Variants in ZNF665 observed in about 807,000 individuals in gnomAD.
The protein encoded by ZNF665 is zinc finger protein 665.
In ZNF665, 6 loss-of-function variants were observed where a neutral mutation model predicts 7.9. The ratio of observed to expected loss-of-function variants is 0.76; its 90% confidence interval spans 0.42 to 1.50. ZNF665 has a LOEUF of 1.50. Among genes scored for constraint, ZNF665 ranks in the 40% most tolerant of loss-of-function variants. The pLI, the probability that ZNF665 is intolerant of heterozygous loss-of-function variation, is 0.01. For synonymous variants in ZNF665, 242 were observed against 274.5 expected, an observed-to-expected ratio of 0.88 and a Z score of 1.17; for missense variants, 819 against 806.7, an observed-to-expected ratio of 1.02 and a Z score of -0.18.
In ZNF665 at chr19:53,165,336, A is replaced by C. The variant is rs779388092; in HGVS notation, c.1154T>G (p.Met385Arg). Residue 385 changes from methionine (M) to arginine (R), a missense_variant, in exon 4 of 4, where the codon ATG (methionine) becomes AGG (arginine). Transcript: ENST00000396424. The stretch of plus-strand genomic sequence containing the variant: ...CTGATGCTTAGTTAAGTTTGAATGC[A>C]TACTGAAGGCTTTCCCACACTCATT... ...KCNECGKAFS[M>R]HSNLTKHQII... 7 of 1,614,068 alleles carry C rather than the reference A, an allele frequency of 4.3e-6. No individual in the cohort carries two copies. The South Asian group carries it at 7.7e-5, about 18-fold the overall frequency.
chr19:53,169,277 G>T (rs968566129), intron 3 of ZNF665, among the ~76,000 whole-genome samples: 3 of 151,782 alleles, frequency 2.0e-5, no homozygotes, highest in African/African-American at 7.2e-5. Flanking sequence ...CTGCACAAAA[G>T]AAAATATTAA....
At chr19:53,166,411 T>A in intron 3 of ZNF665, 64 bp from the exon 4 acceptor site, 1 of 1,378,982 alleles carries the variant, frequency 7.3e-7, no homozygotes, top group Non-Finnish European at 9.7e-7. Context: ...TATTTCCCAT[T>A]GAAAAACCTA....
chr19:53,174,945 CA>C (rs1168901820), intron 3 of ZNF665, among the ~76,000 whole-genome samples: 2,491 of 44,186 alleles, frequency 0.056, 16 homozygotes, highest in African/African-American at 0.093. Flanking sequence ...AACTCCGTCT[CA>C]AAAAAAAAAA....
At position 53,164,923 on chromosome 19, in the gene ZNF665, AG is replaced by A. The variant is rs1315599743; in HGVS notation, c.1566del (p.Phe523LeufsTer7). ...ATAGTTAGGCTTGAATGAACACTAA[AG>A]GCTTTGCCACACTCATTACACTTGT... The part of the protein sequence containing the change: ...KPYKCNECGK[A>X]FSVHSSLTIH... On this transcript the variant is annotated frameshift_variant, in exon 4 of 4. Coordinates refer to ENST00000396424, the MANE Select transcript of ZNF665 (RefSeq NM_024733.5). LOFTEE classifies it low-confidence loss of function (END_TRUNC). The A allele has an allele frequency of 1.2e-6, 2 of 1,614,190 alleles. No homozygotes were observed. The highest frequency in any genetic ancestry group is 1.7e-6 in the Non-Finnish European group (2 of 1,180,030).
intron 2 of ZNF665, among the ~76,000 whole-genome samples, chr19:53,178,315 A>G (rs781318289): frequency 1.3e-5 from 2 of 152,182 alleles, no homozygotes; most frequent in Non-Finnish European, 2.9e-5. Context: ...TGACATGTAG[A>G]TTGGTCTGAA....
intron 1 of ZNF665, chr19:53,190,204 T>C (rs914095807): frequency 6.6e-6 from 1 of 152,254 alleles, no homozygotes; most frequent in African/African-American, 2.4e-5. Context: ...CTGGGTGGCA[T>C]GCCGCCCACA....
chr19:53,182,833 A>G lies in ZNF665; in HGVS notation c.15+51T>C, dbSNP rs2090748103. On this transcript the variant is annotated intron_variant, in intron 2 of 3. Transcript: ENST00000396424. ...AGAAGATTCCCAACTCCAAGGTCCA[A>G]GGTTTCTGAAAGGAAGGAGACAGAA... is the stretch of plus-strand genomic sequence containing the variant. The G allele has an allele frequency of 6.2e-6, 10 of 1,613,372 alleles. No individual in the cohort carries two copies. The South Asian group carries it at 9.9e-5, about 16-fold the overall frequency.
At chr19:53,191,001 C>G (rs563637065) in intron 1 of ZNF665, among the ~76,000 whole-genome samples, 2 of 138,306 alleles carry the variant, frequency 1.4e-5, no homozygotes, top group Admixed American at 1.4e-4. Context: ...GTTCTATGAG[C>G]TGCTCTGGCA....
intron 2 of ZNF665, 131 bp downstream of exon 2, chr19:53,182,753 G>C (rs2090747441): frequency 6.9e-7 from 1 of 1,452,842 alleles, no homozygotes; most frequent in Admixed American, 1.7e-5. Context: ...GAGGGACTGA[G>C]GGAAGGCACG....
intron 2 of ZNF665, among the ~76,000 whole-genome samples, chr19:53,176,995 T>TG (rs2090703525): frequency 6.6e-6 from 1 of 152,114 alleles, no homozygotes; most frequent in Non-Finnish European, 1.5e-5. Flanking sequence ...GGCAGGCACC[T>TG]GTGATCCCAG....
At chr19:53,192,273 T>G (rs2090822864) in intron 1 of ZNF665, among the ~76,000 whole-genome samples, 2 of 152,142 alleles carry the variant, frequency 1.3e-5, no homozygotes, top group Admixed American at 6.5e-5. Context: ...CCCCACTCTT[T>G]GGCACCCCCA....
intron 3 of ZNF665, among the ~76,000 whole-genome samples, chr19:53,169,195 G>A (rs1240232513): frequency 6.6e-6 from 1 of 151,926 alleles, no homozygotes; most frequent in Non-Finnish European, 1.5e-5. Context: ...AATATACAAA[G>A]AACTCTCAAA....
At chr19:53,171,553 G>A (rs1318437261) in intron 3 of ZNF665, among the ~76,000 whole-genome samples, 2 of 98,638 alleles carry the variant, frequency 2.0e-5, no homozygotes, top group African/African-American at 4.1e-5. Context: ...TTTTTTAGAC[G>A]GAGTCTCACT....
Position 53,165,771 on chromosome 19 carries a change from C to G in ZNF665, c.719G>C (p.Gly240Ala), listed in dbSNP as rs2090608040. Residue 240 changes from glycine to alanine, a missense_variant, in exon 4 of 4, where the codon GGA (glycine) becomes GCA (alanine). Gly to Ala is a moderately conservative substitution (Grantham distance 60). Coordinates refer to ENST00000396424, the MANE Select transcript of ZNF665 (RefSeq NM_024733.5). ...GEKPYKCNEC[G>A]KVFSQPSNLA... ...GTTTGAAGGTTGACTGAAGACCTTT[C>G]CACATTCATTACATTTGTAAGGTTT... The G allele has an allele frequency of 6.2e-7, 1 of 1,613,998 alleles. No homozygotes were observed. Among genetic ancestry groups the G allele is most frequent in the Non-Finnish European group, 8.5e-7 (1 of 1,180,032 alleles).
At chr19:53,169,754 A>G (rs191784358) in intron 3 of ZNF665, among the ~76,000 whole-genome samples, 14,964 of 147,908 alleles carry the variant, frequency 0.1, 1,429 homozygotes, top group African/African-American at 0.26. Flanking sequence ...TTATTGTTCA[A>G]TTCCCACCTA....
Position 53,164,901 on chromosome 19 carries a change from G to A in ZNF665, c.1589C>T (p.Thr530Ile), listed in dbSNP as rs746898280. The change falls in exon 4 of 4, where the codon ACT becomes ATT. Residue 530 changes from threonine (T) to isoleucine (I), a missense_variant. Coordinates refer to ENST00000396424, the MANE Select transcript of ZNF665 (RefSeq NM_024733.5). Reference protein sequence around the residue: ...GKAFSVHSSLTIHQTIHTGQK... With the variant: ...GKAFSVHSSLIIHQTIHTGQK... ...TCCAGTATGTATTGTCTGATGTATA[G>A]TTAGGCTTGAATGAACACTAAAGGC... The A allele has an allele frequency of 3.7e-6, 6 of 1,614,064 alleles. No individual in the cohort carries two copies. In the East Asian group the frequency reaches 1.3e-4, roughly 36 times the overall value.
intron 1 of ZNF665, among the ~76,000 whole-genome samples, chr19:53,190,656 G>A (rs182223061): frequency 3.3e-5 from 5 of 152,296 alleles, no homozygotes; most frequent in East Asian, 1.9e-4. Context: ...TAGGTAGGCC[G>A]GGTGCGGTAG....
chr19:53,167,486 G>A lies in ZNF665; in HGVS notation c.143-1139C>T, dbSNP rs2090624228. ...TCTTTTTTTTTGGAGACAGAGTCTC[G>A]CTTTGTCACCCAGGCAGTGGCGCGA... On this transcript the variant is annotated intron_variant, in intron 3 of 3. Transcript: ENST00000396424. Among the ~76,000 whole-genome samples the A allele has an allele frequency of 4.0e-5, 6 of 149,198 alleles. No individual in the cohort carries two copies. The South Asian group carries it at 6.4e-4, about 16-fold the overall frequency.
rs115104161 is a variant in ZNF665 at position 53,167,414 on chromosome 19, C to T, written c.143-1067G>A. Among the ~76,000 whole-genome samples, 770 of 151,782 alleles carry T rather than the reference C, an allele frequency of 5.1e-3. 7 individuals carry two copies. Among genetic ancestry groups the T allele is most frequent in the African/African-American group, 0.018 (731 of 41,484 alleles). ...TAAGCAGTAGGCAAGAATTAGTAAC[C>T]GTGTTTACAGGAAGTTATAGTCTGT... is the stretch of plus-strand genomic sequence containing the variant. On this transcript the variant is annotated intron_variant, in intron 3 of 3. Transcript: ENST00000396424.
Sources: gnomAD v4.1 joint callset for allele counts (sites outside exome capture counted in the v4.1 genomes callset) on GRCh38, gnomAD v4.1.1 for gene constraint, MANE v1.5 for transcripts, NCBI Gene and HGNC (gene_info 2026-07-23, HGNC 2026-07-21) for gene names.